UPK1B: variants seen among roughly 807,000 people sequenced by gnomAD.
UPK1B encodes uroplakin 1B.
In UPK1B, 28 loss-of-function variants were observed where a neutral mutation model predicts 34.2. The ratio of observed to expected loss-of-function variants is 0.82; its 90% CI spans 0.61 to 1.12. The LOEUF (loss-of-function observed/expected upper bound fraction) is 1.12. Ranked by LOEUF, UPK1B falls within the 50% of genes most tolerant of loss-of-function variation. The pLI, the probability that UPK1B is intolerant of heterozygous loss-of-function variation, is 0.00. For synonymous variants in UPK1B, 81 were observed against 110.4 expected, an observed-to-expected ratio of 0.73 and a Z score of 1.67; for missense variants, 325 against 320.9, an observed-to-expected ratio of 1.01 and a Z score of -0.10.
chr3:119,179,389 A>G (rs1559900045), intron 1 of UPK1B, among the ~76,000 whole-genome samples: 1 of 92,176 alleles, frequency 1.1e-5, no homozygotes, highest in East Asian at 2.9e-4. Flanking sequence ...ATATATATAT[A>G]TATATATATT....
rs930520516 is a variant in UPK1B, at chr3:119,204,518, T to C, written c.*551T>C. 4 of 153,152 alleles carry C rather than the reference T, an allele frequency of 2.6e-5. No homozygotes were observed. The highest frequency in any genetic ancestry group is 1.3e-4 in the Admixed American group (2 of 15,432). 9.5% of individuals were successfully genotyped at this position (153,152 alleles called of 1,614,324 possible). ...TCCTTTTATTCTCCAGAATAATTCT[T>C]AACAGTGGTTCAAATTTCCTTTCAT... On this transcript the variant is annotated 3_prime_UTR_variant, in exon 8 of 8. Transcript: ENST00000264234.
At chr3:119,176,196 A>G (rs1395260029) in intron 1 of UPK1B, 3 of 152,040 alleles carry the variant, frequency 2.0e-5, no homozygotes, top group African/African-American at 7.3e-5. Flanking sequence ...TGTTAATTCA[A>G]ATTTCTCTAG....
chr3:119,176,413 G>A (rs77697020), intron 1 of UPK1B, among the ~76,000 whole-genome samples: 1,532 of 152,250 alleles, frequency 0.01, 32 homozygotes, highest in African/African-American at 0.033. Context: ...CTACGGGTAT[G>A]ATTAATTTTT....
chr3:119,183,085 G>T (rs2077996413), intron 1 of UPK1B, among the ~76,000 whole-genome samples: 1 of 152,148 alleles, frequency 6.6e-6, no homozygotes, highest in African/African-American at 2.4e-5. Flanking sequence ...AAATGTGTCT[G>T]TTCTCTCCAC....
At chr3:119,201,782 T>C (rs1411395805) in intron 7 of UPK1B, among the ~76,000 whole-genome samples, 2 of 152,204 alleles carry the variant, frequency 1.3e-5, no homozygotes, top group Non-Finnish European at 2.9e-5. Flanking sequence ...ACCTCTATGA[T>C]GGAACTTCTC....
rs773716438 is a variant in UPK1B, at chr3:119,187,956, G to A, written c.251G>A (p.Ser84Asn). ...VLGIVGIMKS[S>N]RKILLAYFIL... is the part of the protein sequence containing the mutation. ...GGCATTGTAGGCATCATGAAGTCCAGCAGGAAAATTCTTCTGGCGGTAAGA... is the reference window on the plus strand; with the variant it reads ...GGCATTGTAGGCATCATGAAGTCCAACAGGAAAATTCTTCTGGCGGTAAGA... Residue 84 changes from serine (S) to asparagine (N), a missense_variant, in exon 3 of 8, where the codon AGC (serine) becomes AAC (asparagine). Physicochemically the swap from Ser to Asn is conservative, Grantham distance 46 (BLOSUM62 1). Transcript: ENST00000264234. 6.2e-7 allele frequency: 1 copy of A among 1,614,168 alleles called. No individual in the cohort carries two copies. Among genetic ancestry groups the A allele is most frequent in the African/African-American group, 1.3e-5 (1 of 75,046 alleles).
rs1163314044 is a variant in UPK1B, at chr3:119,204,335, T to C, written c.*368T>C. On this transcript the variant is annotated 3_prime_UTR_variant, in exon 8 of 8. Coordinates refer to ENST00000264234, the MANE Select transcript of UPK1B (RefSeq NM_006952.4). ...CTAGCAATCTGCCTGTATCTCTCAC[T>C]ATTATCTAAAAGAAACCTTCCAATG... 5.0e-6 allele frequency: 1 copy of C among 200,672 alleles called. No individual in the cohort carries two copies. The highest frequency in any genetic ancestry group is 1.2e-4 in the East Asian group (1 of 8,500). 12.4% of individuals were successfully genotyped at this position (200,672 alleles called of 1,614,324 possible).
Position 119,197,013 on chromosome 3 carries a change from A to G in UPK1B, c.649-2044A>G, listed in dbSNP as rs565773333. ...TGTACCACCAGGCCTGGCTAATTTT[A>G]TTTTTTGTAGAGATGAGGTCTCACT... is the stretch of plus-strand genomic sequence containing the variant. On this transcript the variant is annotated intron_variant, in intron 6 of 7. Coordinates refer to ENST00000264234, the MANE Select transcript of UPK1B (RefSeq NM_006952.4). Among the ~76,000 whole-genome samples, 26 of 138,964 alleles carry G rather than the reference A, an allele frequency of 1.9e-4. No homozygotes were observed. In the South Asian group the frequency reaches 5.9e-3, roughly 31 times the overall value. 91.2% of individuals were successfully genotyped at this position (138,964 alleles called of 152,430 possible).
chr3:119,204,067 CG>C lies in UPK1B; in HGVS notation c.*101del, dbSNP rs2107440236. 1 of 1,366,684 alleles carries C rather than the reference CG, an allele frequency of 7.3e-7. No homozygotes were observed. The highest frequency in any genetic ancestry group is 2.3e-5 in the East Asian group (1 of 43,524). The allele number at this position is 1,366,684 out of a possible 1,614,324, so 84.7% of individuals were successfully genotyped here. A position where few individuals can be genotyped will look rare whatever the true frequency, so the allele number is the denominator to read the frequency against. The stretch of plus-strand genomic sequence containing the variant: ...ATTCCACGTTTGTGCCCCACACTAA[CG>C]TGTGTGTCTTACATTGCCAAGTCAG... On this transcript the variant is annotated 3_prime_UTR_variant, in exon 8 of 8. Transcript: ENST00000264234.
Position 119,204,726 on chromosome 3 carries a change from A to G in UPK1B, c.*759A>G, listed in dbSNP as rs2078111458. The stretch of plus-strand genomic sequence containing the variant: ...ACCCCGTCTCTACAAAAATACAAAA[A>G]TTAGCCAGGCGTGATGGCAGGTGCC... On this transcript the variant is annotated 3_prime_UTR_variant, in exon 8 of 8. Transcript: ENST00000264234. The G allele has an allele frequency of 6.6e-6, 1 of 152,286 alleles. No individual in the cohort carries two copies. The highest frequency in any genetic ancestry group is 2.1e-4 in the South Asian group (1 of 4,828). 9.4% of individuals were successfully genotyped at this position (152,286 alleles called of 1,614,324 possible). A position where few individuals can be genotyped will look rare whatever the true frequency, so the allele number is the denominator to read the frequency against.
chr3:119,175,322 C>A (rs1040186579), intron 1 of UPK1B, among the ~76,000 whole-genome samples: 2 of 152,070 alleles, frequency 1.3e-5, no homozygotes, highest in African/African-American at 4.8e-5. Context: ...CCACCGCACC[C>A]GGCCAAAACT....
intron 4 of UPK1B, 145 bp downstream of exon 4, chr3:119,190,464 T>C: frequency 1.8e-6 from 1 of 545,702 alleles, no homozygotes; most frequent in Non-Finnish European, 3.1e-6. Context: ...CATAAATCTA[T>C]GAAATAGGCA....
intron 1 of UPK1B, among the ~76,000 whole-genome samples, chr3:119,179,072 C>T (rs879578433): frequency 6.6e-6 from 1 of 151,736 alleles, no homozygotes; most frequent in Non-Finnish European, 1.5e-5. Flanking sequence ...CGTATGGTGG[C>T]TCACGCCTAT....
intron 7 of UPK1B, 48 bp downstream of exon 7, chr3:119,199,188 A>G (rs2078080750): frequency 1.9e-6 from 3 of 1,597,456 alleles, no homozygotes; most frequent in Non-Finnish European, 2.6e-6. Flanking sequence ...GATCATACGG[A>G]GAGACCTTGA....
chr3:119,179,805 CTTTTTTTTTTTTTTTTTTT>C (rs869040325), intron 1 of UPK1B, among the ~76,000 whole-genome samples: 3 of 50,600 alleles, frequency 5.9e-5, no homozygotes, highest in African/African-American at 2.5e-4. Flanking sequence ...CCACGCCCGG[CTTTTTTTTTTTTTTTTTTT>C]TTTTTTTTTT....
chr3:119,188,404 A>G (rs758742377), intron 3 of UPK1B, among the ~76,000 whole-genome samples: 1 of 152,274 alleles, frequency 6.6e-6, no homozygotes, highest in Non-Finnish European at 1.5e-5. Flanking sequence ...GATATAAAAT[A>G]TAAAATATGC....
At chr3:119,203,789 T>TA (rs2078106061) in intron 7 of UPK1B, 128 bp from the exon 8 acceptor site, 1 of 976,568 alleles carries the variant, frequency 1.0e-6, no homozygotes, top group South Asian at 1.5e-5. Context: ...TTAGAAGAAA[T>TA]AAAAACAAAC....
rs2077938988 is a variant in UPK1B, at chr3:119,173,625, A to G, written c.-42A>G. On this transcript the variant is annotated 5_prime_UTR_variant, in exon 1 of 8. Transcript: ENST00000264234. ...GGAGCGGGCCCTACCGTGTGCGCAGAAAGAGGAGGCGCTGTGAGTAGACCG... is the reference window on the plus strand; with the variant it reads ...GGAGCGGGCCCTACCGTGTGCGCAGGAAGAGGAGGCGCTGTGAGTAGACCG... The G allele has an allele frequency of 6.6e-6, 1 of 152,256 alleles. No homozygotes were observed. The highest frequency in any genetic ancestry group is 6.5e-5 in the Admixed American group (1 of 15,276). The allele number at this position is 152,256 out of a possible 1,614,324, so 9.4% of individuals were successfully genotyped here.
Position 119,204,000 on chromosome 3 carries a change from G to A in UPK1B, c.*33G>A, listed in dbSNP as rs777682196. ...GTGTTGCCACCATACCTCCTTCCCC[G>A]AGTGACTCTGGATTTGGTGCTGGAA... On this transcript the variant is annotated 3_prime_UTR_variant, in exon 8 of 8. Coordinates refer to ENST00000264234, the MANE Select transcript of UPK1B (RefSeq NM_006952.4). 9.3e-6 allele frequency: 15 copies of A among 1,610,468 alleles called. No individual in the cohort carries two copies. The highest frequency in any genetic ancestry group is 5.0e-5 in the Admixed American group (3 of 59,986).
Sources: gnomAD v4.1 joint callset for allele counts (sites outside exome capture counted in the v4.1 genomes callset) on GRCh38, gnomAD v4.1.1 for gene constraint, MANE v1.5 for transcripts, NCBI Gene and HGNC (gene_info 2026-07-23, HGNC 2026-07-21) for gene names.